The following SUMF1 variants were observed in gnomAD, a reference collection of about 807,000 sequenced individuals.
SUMF1 encodes the protein formylglycine-generating enzyme.
A neutral mutation model predicts 47.6 loss-of-function variants in SUMF1; 48 were observed. The observed-to-expected ratio is 1.01, with a 90% CI of 0.80 to 1.28. The LOEUF (loss-of-function observed/expected upper bound fraction) is 1.28. Ranked by LOEUF, SUMF1 falls within the 50% of genes most tolerant of loss-of-function variation. SUMF1 has a pLI of 0.00. For missense variants in SUMF1, 571 were observed against 485.4 expected (o/e 1.18, Z -1.66); for synonymous variants, 230 against 192.1 (o/e 1.20, Z -1.63).
chr3:4,306,463 G>A (rs1416928048), intron 8 of SUMF1, among the ~76,000 whole-genome samples: 1 of 152,058 alleles, frequency 6.6e-6, no homozygotes, highest in Non-Finnish European at 1.5e-5. Context: ...ACAGTTGGTG[G>A]GCATAAATGA....
chr3:4,117,629 T>C (rs1332437159), intron 8 of SUMF1, among the ~76,000 whole-genome samples: 1 of 152,098 alleles, frequency 6.6e-6, no homozygotes, highest in Non-Finnish European at 1.5e-5. Context: ...CTCTCTGAGT[T>C]TTGATTTCTT....
At chr3:4,190,034 A>G (rs895501672) in intron 8 of SUMF1, among the ~76,000 whole-genome samples, 1 of 152,176 alleles carries the variant, frequency 6.6e-6, no homozygotes, top group Non-Finnish European at 1.5e-5. Flanking sequence ...CTCCAATTTA[A>G]CTTTTCCAAA....
chr3:4,077,805 TA>T (rs201020574), intron 8 of SUMF1, among the ~76,000 whole-genome samples: 6 of 151,000 alleles, frequency 4.0e-5, no homozygotes, highest in South Asian at 2.1e-4. Context: ...TAAAGTATAA[TA>T]AAAAAAAACT....
intron 8 of SUMF1, among the ~76,000 whole-genome samples, chr3:4,208,890 T>C (rs1368662253): frequency 1.3e-5 from 2 of 152,192 alleles, no homozygotes; most frequent in African/African-American, 4.8e-5. Flanking sequence ...AGAGATCTGT[T>C]GCTAGACTCA....
At chr3:4,350,424 A>C (rs7625644) in intron 8 of SUMF1, among the ~76,000 whole-genome samples, 10,696 of 151,834 alleles carry the variant, frequency 0.07, 1,292 homozygotes, top group African/African-American at 0.25. Flanking sequence ...CCATATATAC[A>C]TGTAGTATAA....
intron 8 of SUMF1, chr3:4,316,660 A>G: frequency 6.4e-7 from 1 of 1,551,192 alleles, no homozygotes; most frequent in Non-Finnish European, 8.7e-7. Context: ...CCATTTCTCG[A>G]TCGGATTGTG....
intron 8 of SUMF1, among the ~76,000 whole-genome samples, chr3:4,172,838 T>C (rs1457956052): frequency 1.3e-5 from 2 of 152,200 alleles, no homozygotes; most frequent in Admixed American, 6.5e-5. Context: ...ATGTTTCTTC[T>C]GCTGTGCTCT....
chr3:4,338,993 T>C (rs550319303), intron 8 of SUMF1, among the ~76,000 whole-genome samples: 1 of 152,260 alleles, frequency 6.6e-6, no homozygotes, highest in Non-Finnish European at 1.5e-5. Flanking sequence ...AGCCAACTAA[T>C]GTTAGTGTGA....
At chr3:4,039,206 CA>C (rs796522179) in intron 9 of SUMF1, among the ~76,000 whole-genome samples, 2,067 of 68,250 alleles carry the variant, frequency 0.03, 647 homozygotes, top group Middle Eastern at 0.079. Context: ...AACATCTATG[CA>C]AATTTTTTTT....
At chr3:4,385,604 T>C (rs1700647338) in intron 7 of SUMF1, among the ~76,000 whole-genome samples, 1 of 152,226 alleles carries the variant, frequency 6.6e-6, no homozygotes, top group Non-Finnish European at 1.5e-5. Flanking sequence ...ACAGGCTCTT[T>C]CACAGAAAAG....
chr3:4,199,056 G>C (rs11924167), intron 8 of SUMF1, among the ~76,000 whole-genome samples: 6,720 of 151,638 alleles, frequency 0.044, 425 homozygotes, highest in East Asian at 0.18. Context: ...GATCAAATGA[G>C]TTTAGGTAAA....
chr3:4,194,055 C>A (rs1004613661), intron 8 of SUMF1, among the ~76,000 whole-genome samples: 3 of 152,084 alleles, frequency 2.0e-5, no homozygotes, highest in Non-Finnish European at 4.4e-5. Context: ...TTGTCTATTG[C>A]AACACTGTCC....
At chr3:4,160,833 T>G (rs1694559464) in intron 8 of SUMF1, among the ~76,000 whole-genome samples, 1 of 152,072 alleles carries the variant, frequency 6.6e-6, no homozygotes, top group African/African-American at 2.4e-5. Flanking sequence ...AGTCTCTTAT[T>G]TAGTTTGTTT....
intron 3 of SUMF1, among the ~76,000 whole-genome samples, chr3:4,428,437 T>C (rs1347270631): frequency 1.3e-5 from 2 of 152,184 alleles, no homozygotes; most frequent in African/African-American, 2.4e-5. Flanking sequence ...CACTGTAACC[T>C]TGAACTCCTG....
chr3:4,177,235 T>C (rs1255818864), intron 8 of SUMF1, among the ~76,000 whole-genome samples: 4 of 152,050 alleles, frequency 2.6e-5, no homozygotes, highest in African/African-American at 9.7e-5. Context: ...ACAGAATATA[T>C]ATTCTTCTCA....
rs1559650524 is a variant in SUMF1 at position 4,284,474 on chromosome 3, A to AGGAGGAGGAGGAGG, written c.1014+91855_1014+91856insCCTCCTCCTCCTCC. 2.0e-3 allele frequency among the ~76,000 whole-genome samples: 234 copies of AGGAGGAGGAGGAGG among 119,256 alleles called. 19 individuals carry two copies. The highest frequency in any genetic ancestry group is 3.0e-3 in the Non-Finnish European group (174 of 58,690). The allele number at this position is 119,256 out of a possible 152,430, so 78.2% of individuals were successfully genotyped here. ...GGAGGAGGAGGAGGAGGAGGAGGAG[A>AGGAGGAGGAGGAGG]AGGAGGAGGAGGAGGAGAGAAAGTA... On this transcript the variant is annotated intron_variant and NMD_transcript_variant, in intron 8 of 12. Coordinates refer to the SUMF1 transcript ENST00000448413.
At chr3:4,280,902 G>C (rs933746849) in intron 8 of SUMF1, among the ~76,000 whole-genome samples, 3 of 150,030 alleles carry the variant, frequency 2.0e-5, no homozygotes, top group African/African-American at 7.3e-5. Context: ...TTTTGATAAG[G>C]GCACAGTCAT....
intron 8 of SUMF1, among the ~76,000 whole-genome samples, chr3:4,087,969 G>GAA (rs763016430): frequency 6.7e-6 from 1 of 149,464 alleles, no homozygotes; most frequent in East Asian, 1.9e-4. Context: ...AGCTTGATTT[G>GAA]AAAAAAAAAT....
At chr3:4,428,779 A>ATT (rs1702146055) in intron 3 of SUMF1, among the ~76,000 whole-genome samples, 2 of 152,242 alleles carry the variant, frequency 1.3e-5, no homozygotes, top group Non-Finnish European at 2.9e-5. Flanking sequence ...AACAAAAGCA[A>ATT]TATCAAATTA....
Sources: allele counts gnomAD v4.1 joint callset (sites outside exome capture counted in the v4.1 genomes callset), GRCh38; gene constraint gnomAD v4.1.1; transcripts MANE v1.5; gene names NCBI Gene and HGNC (gene_info 2026-07-23, HGNC 2026-07-21).